Variants in CELF2 observed in about 807,000 individuals in gnomAD.
CELF2 encodes CUGBP Elav-like family member 2, also known as CUG triplet repeat RNA-binding protein 2.
Under a neutral mutation model 62.6 loss-of-function variants are expected in CELF2, and 8 were observed. The observed-to-expected ratio is 0.13, with a 90% confidence interval of 0.07 to 0.23. CELF2 has a LOEUF of 0.23. Ranked by LOEUF, CELF2 falls within the 10% of genes least tolerant of loss-of-function variation. CELF2 has a pLI of 1.00. For synonymous variants in CELF2, 258 were observed against 250.0 expected, an observed-to-expected ratio of 1.03 and a Z score of -0.30; for missense variants, 333 against 671.0, an observed-to-expected ratio of 0.50 and a Z score of 5.56.
chr10:10,544,211 GA>G, the CELF2 span, among the ~76,000 whole-genome samples: 1 of 152,206 alleles, frequency 6.6e-6, no homozygotes, highest in African/African-American at 2.4e-5. Context: ...CACAAACAGA[GA>G]AGCAAATTCC....
chr10:10,615,786 C>G, the CELF2 span, among the ~76,000 whole-genome samples: 1 of 152,102 alleles, frequency 6.6e-6, no homozygotes, highest in Non-Finnish European at 1.5e-5. Context: ...TGAGGCCTCC[C>G]CAGAAGCCTG....
Position 10,949,383 on chromosome 10 carries a change from T to G in CELF2, c.89+29384T>G, listed in dbSNP as rs533436875. Among the ~76,000 whole-genome samples, 16 of 152,158 alleles carry G rather than the reference T, an allele frequency of 1.1e-4. No homozygotes were observed. The South Asian group carries it at 2.9e-3, about 28-fold the overall frequency. Reference sequence around the variant, plus strand: ...ATCTCCCCAGACCTGGCGTCACCACTGTGGATAAGAGAGATGGGACACCCA... The same window carrying G: ...ATCTCCCCAGACCTGGCGTCACCACGGTGGATAAGAGAGATGGGACACCCA... On this transcript the variant is annotated intron_variant, in intron 2 of 13. Transcript: ENST00000636488.
At chr10:10,757,237 C>T in the CELF2 span, among the ~76,000 whole-genome samples, 2 of 152,060 alleles carry the variant, frequency 1.3e-5, no homozygotes, top group South Asian at 4.1e-4. Flanking sequence ...GTAGGAACAT[C>T]ACTTGTGGCC....
At chr10:11,132,252 ACT>A (rs2059741364) in intron 1 of CELF2, among the ~76,000 whole-genome samples, 1 of 152,190 alleles carries the variant, frequency 6.6e-6, no homozygotes, top group Non-Finnish European at 1.5e-5. Context: ...TAAAATATTT[ACT>A]TTTTGCTAAA....
At chr10:10,971,453 A>C (rs2050741784) in intron 2 of CELF2, among the ~76,000 whole-genome samples, 1 of 152,146 alleles carries the variant, frequency 6.6e-6, no homozygotes. Context: ...ATGCTCTGCC[A>C]ATCCTGAGAT....
chr10:10,711,858 G>A, the CELF2 span, among the ~76,000 whole-genome samples: 1 of 152,060 alleles, frequency 6.6e-6, no homozygotes, highest in Non-Finnish European at 1.5e-5. Flanking sequence ...CTCTAGCCTT[G>A]GAGACAGAGC....
At chr10:10,681,788 C>A in the CELF2 span, among the ~76,000 whole-genome samples, 1 of 152,124 alleles carries the variant, frequency 6.6e-6, no homozygotes, top group East Asian at 1.9e-4. Flanking sequence ...ATATTCCTCC[C>A]AGCTCCTAAT....
At chr10:10,688,940 G>C in the CELF2 span, among the ~76,000 whole-genome samples, 1 of 151,990 alleles carries the variant, frequency 6.6e-6, no homozygotes, top group Non-Finnish European at 1.5e-5. Context: ...GGAATTCGAG[G>C]CTTCAGTGAA....
intron 1 of CELF2, among the ~76,000 whole-genome samples, chr10:11,125,890 T>C (rs1044074855): frequency 1.8e-4 from 25 of 138,088 alleles, no homozygotes; most frequent in African/African-American, 4.9e-4. Context: ...TTTTGTGTTA[T>C]TAAAATCACA....
rs142913185 is a variant in CELF2 at position 11,260,933 on chromosome 10, G to A, written c.538+3061G>A. ...GCAGTTTTGAATCAAATATTAATGT[G>A]TCTCCCATTAGTGGCACTGCAGATA... On this transcript the variant is annotated intron_variant, in intron 5 of 12. Transcript: ENST00000633077. This position sits in a 1 kb window ranked among gnomAD's most constrained non-coding sequence, Gnocchi z 4.2. 6.6e-4 allele frequency among the ~76,000 whole-genome samples: 101 copies of A among 152,246 alleles called. 1 individual carries two copies. The Middle Eastern group carries it at 0.014, about 21-fold the overall frequency.
Position 11,025,227 on chromosome 10 carries a change from G to GTA in CELF2, c.74+7065_74+7066insAT, listed in dbSNP as rs1008059293. Among the ~76,000 whole-genome samples, 13 of 59,956 alleles carry GTA rather than the reference G, an allele frequency of 2.2e-4. No individual in the cohort carries two copies. In the South Asian group the frequency reaches 5.2e-3, roughly 24 times the overall value. The allele number at this position is 59,956 out of a possible 152,430, so 39.3% of individuals were successfully genotyped here. Reference sequence around the variant, plus strand: ...CATATATGTGTGTGTGTGTGTGTGTGTGTGTGTGTGTGTATATGTATGTGA... The same window carrying GTA: ...CATATATGTGTGTGTGTGTGTGTGTGTATGTGTGTGTGTGTATATGTATGTGA... On this transcript the variant is annotated intron_variant, in intron 1 of 12. Transcript: ENST00000633077.
At chr10:10,905,369 A>G (rs1443423973) in intron 1 of CELF2, among the ~76,000 whole-genome samples, 2 of 152,226 alleles carry the variant, frequency 1.3e-5, no homozygotes, top group African/African-American at 2.4e-5. Context: ...ATTCACCACC[A>G]CACAATTACA....
At chr10:11,190,799 A>T (rs1312026067) in intron 2 of CELF2, among the ~76,000 whole-genome samples, 4 of 150,006 alleles carry the variant, frequency 2.7e-5, no homozygotes, top group Admixed American at 2.6e-4. Flanking sequence ...AAAAAAAAAA[A>T]AAAAGCCATT....
At chr10:11,018,438 A>AC (rs993844281) in intron 1 of CELF2, among the ~76,000 whole-genome samples, 2 of 148,006 alleles carry the variant, frequency 1.4e-5, no homozygotes, top group Non-Finnish European at 3.0e-5. Flanking sequence ...CCGGGTGAGG[A>AC]CCAGCGGGCC....
chr10:10,964,055 A>G (rs536849309), intron 2 of CELF2, among the ~76,000 whole-genome samples: 37 of 152,358 alleles, frequency 2.4e-4, no homozygotes, highest in African/African-American at 8.7e-4. Context: ...AATAGATATT[A>G]TATTAGTACA....
the CELF2 span, among the ~76,000 whole-genome samples, chr10:10,772,620 A>G: frequency 3.9e-5 from 6 of 152,366 alleles, no homozygotes; most frequent in African/African-American, 1.4e-4. Context: ...CACAGAGGGA[A>G]CGGTGAGAAA....
chr10:10,675,559 T>A, the CELF2 span, among the ~76,000 whole-genome samples: 1 of 149,374 alleles, frequency 6.7e-6, no homozygotes, highest in African/African-American at 2.5e-5. Context: ...TTCAAGTATT[T>A]CTTTTTCTCT....
At chr10:11,179,755 C>A (rs572570563) in intron 2 of CELF2, among the ~76,000 whole-genome samples, 1 of 152,130 alleles carries the variant, frequency 6.6e-6, no homozygotes, top group Non-Finnish European at 1.5e-5. Flanking sequence ...TTCTTTCCCC[C>A]CTGAAGGCTC....
At chr10:10,688,821 A>T in the CELF2 span, among the ~76,000 whole-genome samples, 3 of 150,146 alleles carry the variant, frequency 2.0e-5, no homozygotes, top group African/African-American at 7.4e-5. Flanking sequence ...GCAACAAAAC[A>T]AAACTCTGTG....
Sources: allele counts gnomAD v4.1 joint callset (sites outside exome capture counted in the v4.1 genomes callset), GRCh38; gene constraint gnomAD v4.1.1; non-coding constraint Gnocchi (gnomAD v3.1); transcripts MANE v1.5; gene names NCBI Gene and HGNC (gene_info 2026-07-23, HGNC 2026-07-21).